Variants in NKAIN2 observed in about 807,000 individuals in gnomAD.
NKAIN2 encodes the protein sodium/potassium-transporting ATPase subunit beta-1-interacting protein 2.
A neutral mutation model predicts 32.6 loss-of-function variants in NKAIN2; 14 were observed. The ratio of observed to expected loss-of-function variants is 0.43; its 90% CI spans 0.28 to 0.67. NKAIN2 has a LOEUF of 0.67. Ranked by LOEUF, NKAIN2 falls within the 30% of genes least tolerant of loss-of-function variation. NKAIN2 has a pLI of 0.17. For missense variants in NKAIN2, 198 were observed against 258.3 expected (o/e 0.77, Z 1.60); for synonymous variants, 80 against 87.2 (o/e 0.92, Z 0.46).
At chr6:124,102,284 T>C (rs1784922187) in intron 1 of NKAIN2, among the ~76,000 whole-genome samples, 1 of 152,206 alleles carries the variant, frequency 6.6e-6, no homozygotes, top group African/African-American at 2.4e-5. Context: ...TAAAAATGCC[T>C]GGGCCTAAAC....
chr6:124,011,320 A>G (rs1780312871), intron 1 of NKAIN2, among the ~76,000 whole-genome samples: 1 of 151,518 alleles, frequency 6.6e-6, no homozygotes, highest in African/African-American at 2.4e-5. Context: ...TGTTTTACAC[A>G]TTCTACCTGA....
chr6:124,371,144 C>T (rs769997310), intron 3 of NKAIN2, among the ~76,000 whole-genome samples: 1 of 151,940 alleles, frequency 6.6e-6, no homozygotes, highest in African/African-American at 2.4e-5. Flanking sequence ...ATAATTAGTA[C>T]AACTGAATAT....
chr6:124,154,654 T>A (rs1332733003), intron 1 of NKAIN2, among the ~76,000 whole-genome samples: 1 of 152,020 alleles, frequency 6.6e-6, no homozygotes, highest in East Asian at 1.9e-4. Context: ...TGCTCCTTTT[T>A]AAGGCTTAAA....
chr6:124,614,371 G>T (rs537431415), intron 3 of NKAIN2, among the ~76,000 whole-genome samples: 9 of 152,210 alleles, frequency 5.9e-5, no homozygotes, highest in African/African-American at 2.2e-4. Flanking sequence ...TCCAGCCTGG[G>T]CAACAGAGCG....
intron 4 of NKAIN2, among the ~76,000 whole-genome samples, chr6:124,773,876 G>C (rs541656856): frequency 4.7e-4 from 71 of 152,252 alleles, no homozygotes; most frequent in African/African-American, 1.7e-3. Context: ...AGAAAATATT[G>C]CATGCCTAAA....
intron 3 of NKAIN2, among the ~76,000 whole-genome samples, chr6:124,647,496 CAAAAA>C (rs1157607122): frequency 1.5e-4 from 9 of 58,938 alleles, no homozygotes; most frequent in East Asian, 6.3e-4. Context: ...GAGACTCTGT[CAAAAA>C]AAAAAAAAAA....
intron 1 of NKAIN2, among the ~76,000 whole-genome samples, chr6:123,951,198 T>C (rs1025111987): frequency 6.6e-6 from 1 of 152,074 alleles, no homozygotes; most frequent in Non-Finnish European, 1.5e-5. Flanking sequence ...TCATGGAGAA[T>C]GTCTTATGTG....
rs912419281 is a variant in NKAIN2, at chr6:124,823,461, C to T, written c.*232C>T. 7 of 479,036 alleles carry T rather than the reference C, an allele frequency of 1.5e-5. No individual in the cohort carries two copies. Among genetic ancestry groups the T allele is most frequent in the Non-Finnish European group, 2.6e-5 (7 of 268,630 alleles). 29.7% of individuals were successfully genotyped at this position (479,036 alleles called of 1,614,324 possible). A position where few individuals can be genotyped will look rare whatever the true frequency, so the allele number is the denominator to read the frequency against. ...TTTCTAACTGAAACAGACAAATATG[C>T]AGGACACGCCCATCTTGGATTTCCT... On this transcript the variant is annotated 3_prime_UTR_variant, in exon 7 of 7. Transcript: ENST00000368417.
At chr6:123,873,785 G>A (rs745773518) in intron 1 of NKAIN2, among the ~76,000 whole-genome samples, 9 of 152,216 alleles carry the variant, frequency 5.9e-5, no homozygotes, top group Admixed American at 1.3e-4. Flanking sequence ...CTGATCTTTC[G>A]TTATGCCTAT....
chr6:124,562,867 C>T (rs1291937306), intron 3 of NKAIN2, among the ~76,000 whole-genome samples: 1 of 150,040 alleles, frequency 6.7e-6, no homozygotes, highest in African/African-American at 2.5e-5. Context: ...AAGGAGAAAA[C>T]AGGAAAAGGA....
intron 3 of NKAIN2, among the ~76,000 whole-genome samples, chr6:124,565,519 G>A (rs962132922): frequency 3.9e-5 from 6 of 152,200 alleles, no homozygotes; most frequent in African/African-American, 1.4e-4. Flanking sequence ...GTTAAGACCA[G>A]TTTTCCCTGG....
intron 3 of NKAIN2, among the ~76,000 whole-genome samples, chr6:124,568,861 A>C (rs1781022091): frequency 6.7e-6 from 1 of 149,708 alleles, no homozygotes; most frequent in South Asian, 2.1e-4. Flanking sequence ...CTGCCTGGAA[A>C]ATCTTTATTA....
intron 1 of NKAIN2, among the ~76,000 whole-genome samples, chr6:123,909,460 C>G (rs1775057417): frequency 6.6e-6 from 1 of 152,190 alleles, no homozygotes; most frequent in South Asian, 2.1e-4. Context: ...TCCTGCCACC[C>G]TCTCTGAGTC....
chr6:124,248,584 G>T (rs1017979385), intron 1 of NKAIN2, among the ~76,000 whole-genome samples: 1 of 151,924 alleles, frequency 6.6e-6, no homozygotes. Context: ...AGTCTGTGCT[G>T]TACTTTATTA....
intron 2 of NKAIN2, among the ~76,000 whole-genome samples, chr6:124,329,293 G>A (rs1216134589): frequency 1.3e-5 from 2 of 152,116 alleles, no homozygotes; most frequent in East Asian, 3.9e-4. Flanking sequence ...TATCTCATCT[G>A]GGTGCCAAAC....
At chr6:124,505,187 A>G (rs990353502) in intron 3 of NKAIN2, among the ~76,000 whole-genome samples, 3 of 152,236 alleles carry the variant, frequency 2.0e-5, no homozygotes, top group Non-Finnish European at 2.9e-5. Flanking sequence ...AGAAATAAAA[A>G]CTAAAATAAA....
intron 3 of NKAIN2, among the ~76,000 whole-genome samples, chr6:124,573,732 G>A (rs1432711968): frequency 1.3e-5 from 2 of 151,848 alleles, no homozygotes; most frequent in Non-Finnish European, 2.9e-5. Flanking sequence ...AGTATAACAT[G>A]GACTACATAT....
At chr6:123,886,579 A>G (rs1001789829) in intron 1 of NKAIN2, among the ~76,000 whole-genome samples, 1 of 152,170 alleles carries the variant, frequency 6.6e-6, no homozygotes, top group African/African-American at 2.4e-5. Flanking sequence ...AACTAATGAA[A>G]ATTGCTGATT....
At chr6:124,706,572 G>T (rs1181028613) in intron 4 of NKAIN2, among the ~76,000 whole-genome samples, 3 of 152,076 alleles carry the variant, frequency 2.0e-5, no homozygotes, top group Admixed American at 2.0e-4. Flanking sequence ...AGAACAAAAT[G>T]AATAAACTGA....
Sources: gnomAD v4.1 joint callset for allele counts (sites outside exome capture counted in the v4.1 genomes callset) on GRCh38, gnomAD v4.1.1 for gene constraint, MANE v1.5 for transcripts, NCBI Gene and HGNC (gene_info 2026-07-23, HGNC 2026-07-21) for gene names.